The following DCC variants were observed in gnomAD, a reference collection of about 807,000 sequenced individuals.
The protein encoded by DCC is DCC netrin 1 receptor.
Under a neutral mutation model 172.5 loss-of-function variants are expected in DCC, and 58 were observed. The ratio of observed to expected loss-of-function variants is 0.34; its 90% CI spans 0.27 to 0.42. The LOEUF (loss-of-function observed/expected upper bound fraction) is 0.42. Among genes scored for constraint, DCC ranks in the 10% least tolerant of loss-of-function variants. The pLI is 1.00. For synonymous variants in DCC, 709 were observed against 644.5 expected (o/e 1.10, Z -1.52); for missense variants, 1,740 against 1,791.0 (o/e 0.97, Z 0.51).
chr18:53,115,594 C>T (rs952635176), intron 7 of DCC, among the ~76,000 whole-genome samples: 1 of 151,578 alleles, frequency 6.6e-6, no homozygotes, highest in Non-Finnish European at 1.5e-5. Flanking sequence ...GTAAAAAATA[C>T]AAGCACTGTG....
intron 2 of DCC, among the ~76,000 whole-genome samples, chr18:52,859,566 T>G (rs1322731768): frequency 6.6e-6 from 1 of 152,176 alleles, no homozygotes; most frequent in Admixed American, 6.5e-5. Context: ...GGTCTTGTTT[T>G]GCAGATGAGA....
At chr18:52,997,924 C>A (rs1230665008) in intron 5 of DCC, among the ~76,000 whole-genome samples, 1 of 152,090 alleles carries the variant, frequency 6.6e-6, no homozygotes, top group Middle Eastern at 3.4e-3. Context: ...CAGAGCAACT[C>A]TCTGTAACCT....
At chr18:52,420,925 A>T (rs17748074) in intron 1 of DCC, among the ~76,000 whole-genome samples, 2 of 151,998 alleles carry the variant, frequency 1.3e-5, no homozygotes, top group Admixed American at 6.5e-5. Flanking sequence ...GTGATTCAGG[A>T]TTTAAGGACT....
chr18:52,951,324 G>T (rs1431786202), intron 5 of DCC, among the ~76,000 whole-genome samples: 1 of 152,030 alleles, frequency 6.6e-6, no homozygotes, highest in Non-Finnish European at 1.5e-5. Flanking sequence ...GTGCAGGTTT[G>T]TTACACAGGT....
intron 3 of DCC, among the ~76,000 whole-genome samples, chr18:52,912,653 G>A (rs1459781092): frequency 6.6e-6 from 1 of 152,072 alleles, no homozygotes; most frequent in Non-Finnish European, 1.5e-5. Context: ...AGAAATAGGA[G>A]TCAGGAGATA....
At chr18:53,145,116 T>TC (rs2043887719) in intron 7 of DCC, among the ~76,000 whole-genome samples, 1 of 130,068 alleles carries the variant, frequency 7.7e-6, no homozygotes. Flanking sequence ...TTTTTTTTTT[T>TC]TTTTTTTTTT....
At chr18:52,844,131 A>G (rs2038848505) in intron 2 of DCC, among the ~76,000 whole-genome samples, 1 of 152,160 alleles carries the variant, frequency 6.6e-6, no homozygotes, top group African/African-American at 2.4e-5. Flanking sequence ...TAATCCACAT[A>G]ACAGAGACAA....
intron 1 of DCC, among the ~76,000 whole-genome samples, chr18:52,681,536 T>G (rs1030271688): frequency 6.6e-6 from 1 of 151,996 alleles, no homozygotes; most frequent in Non-Finnish European, 1.5e-5. Flanking sequence ...AATTGGTTGG[T>G]TTGGGGAGAA....
At chr18:53,127,203 C>T (rs1295416330) in intron 7 of DCC, among the ~76,000 whole-genome samples, 3 of 141,192 alleles carry the variant, frequency 2.1e-5, no homozygotes, top group Non-Finnish European at 4.5e-5. Flanking sequence ...ATGGGGGTCT[C>T]GTTATGTTGC....
At chr18:53,309,267 G>A (rs1354713200) in intron 13 of DCC, among the ~76,000 whole-genome samples, 1 of 152,098 alleles carries the variant, frequency 6.6e-6, no homozygotes, top group East Asian at 1.9e-4. Flanking sequence ...TCAAACTCTT[G>A]GCCTCAAGTC....
chr18:53,267,051 C>T (rs1181499797), intron 12 of DCC, among the ~76,000 whole-genome samples: 6 of 151,460 alleles, frequency 4.0e-5, no homozygotes, highest in Non-Finnish European at 7.4e-5. Flanking sequence ...AGATTAATTG[C>T]TGAGTCATGC....
At chr18:53,332,152 A>G (rs905399544) in intron 14 of DCC, among the ~76,000 whole-genome samples, 6 of 152,172 alleles carry the variant, frequency 3.9e-5, no homozygotes, top group African/African-American at 1.2e-4. Context: ...CAGAATTACA[A>G]TTCATTGTTG....
intron 1 of DCC, among the ~76,000 whole-genome samples, chr18:52,748,030 C>A (rs1165719194): frequency 1.3e-5 from 2 of 152,204 alleles, no homozygotes; most frequent in South Asian, 4.1e-4. Context: ...AGGCTGCGGT[C>A]GGCTCGTGCT....
At chr18:53,257,719 G>A (rs1282117236) in intron 12 of DCC, among the ~76,000 whole-genome samples, 1 of 152,154 alleles carries the variant, frequency 6.6e-6, no homozygotes, top group Non-Finnish European at 1.5e-5. Flanking sequence ...GATGATGCTG[G>A]CCTCATAAAA....
chr18:53,366,260 T>C (rs1351577468), intron 15 of DCC, among the ~76,000 whole-genome samples: 22 of 152,084 alleles, frequency 1.4e-4, no homozygotes, highest in Admixed American at 1.4e-3. Context: ...TTTCACCAGG[T>C]TGGTCTAGAA....
intron 12 of DCC, among the ~76,000 whole-genome samples, chr18:53,295,742 G>GA (rs1241145052): frequency 1.3e-5 from 2 of 152,142 alleles, no homozygotes; most frequent in Admixed American, 6.5e-5. Flanking sequence ...CCAGTGTTTT[G>GA]TTTTTTCTTT....
chr18:53,517,680 C>T (rs192191636), intron 27 of DCC, among the ~76,000 whole-genome samples: 1 of 152,074 alleles, frequency 6.6e-6, no homozygotes, highest in East Asian at 1.9e-4. Flanking sequence ...AGCAGGGCAC[C>T]TCATCAGCAC....
At chr18:52,793,023 A>G (rs549730025) in intron 2 of DCC, among the ~76,000 whole-genome samples, 11 of 139,580 alleles carry the variant, frequency 7.9e-5, no homozygotes, top group African/African-American at 2.8e-4. Flanking sequence ...AGGAGAGAGG[A>G]GCTCTTGTGT....
chr18:52,346,804 T>A (rs1318912021), intron 1 of DCC, among the ~76,000 whole-genome samples: 7 of 152,198 alleles, frequency 4.6e-5, no homozygotes, highest in African/African-American at 1.7e-4. Flanking sequence ...ATGTTTCTCT[T>A]TTCTAGTAAA....
Sources: gnomAD v4.1 joint callset for allele counts (sites outside exome capture counted in the v4.1 genomes callset) on GRCh38, gnomAD v4.1.1 for gene constraint, MANE v1.5 for transcripts, NCBI Gene and HGNC (gene_info 2026-07-23, HGNC 2026-07-21) for gene names.